UGGT2: variants seen among roughly 807,000 people sequenced by gnomAD.
The protein encoded by UGGT2 is UDP-glucose:glycoprotein glucosyltransferase 2.
A neutral mutation model predicts 192.1 loss-of-function variants in UGGT2; 180 were observed. That is an observed-to-expected ratio of 0.94 (90% CI 0.83 to 1.06). The LOEUF is 1.06. UGGT2 is among the 50% of genes least tolerant of loss of function. The pLI, the probability that UGGT2 is intolerant of heterozygous loss-of-function variation, is 0.00. For synonymous variants in UGGT2, 580 were observed against 591.0 expected (o/e 0.98, Z 0.27); for missense variants, 1,849 against 1,795.7 (o/e 1.03, Z -0.54).
intron 33 of UGGT2, 120 bp from the exon 34 acceptor site, chr13:95,856,460 A>C (rs1222990952): frequency 6.7e-6 from 6 of 899,344 alleles, no homozygotes; most frequent in Non-Finnish European, 1.0e-5. Context: ...AATAGGCAAG[A>C]TGTCTAAATA....
At chr13:95,935,429 TTA>T (rs2049431439) in intron 17 of UGGT2, among the ~76,000 whole-genome samples, 1 of 152,230 alleles carries the variant, frequency 6.6e-6, no homozygotes, top group African/African-American at 2.4e-5. Context: ...CTTATGAAGC[TTA>T]GTTTGACAGG....
At chr13:95,909,608 G>T (rs1398322299) in intron 20 of UGGT2, among the ~76,000 whole-genome samples, 2 of 107,846 alleles carry the variant, frequency 1.9e-5, no homozygotes, top group Admixed American at 1.1e-4. Flanking sequence ...GTTGTGGGGT[G>T]GGGGGAGGGG....
In UGGT2 at chr13:95,884,697, A is replaced by C. The variant is rs1222267862; in HGVS notation, c.3039-17T>G. The C allele has an allele frequency of 6.3e-7, 1 of 1,586,510 alleles. No individual in the cohort carries two copies. Among genetic ancestry groups the C allele is most frequent in the Non-Finnish European group, 8.5e-7 (1 of 1,169,926 alleles). On this transcript the variant is annotated splice_polypyrimidine_tract_variant and intron_variant, in intron 26 of 38. Transcript: ENST00000376747. Reference sequence around the variant, plus strand: ...CGGTAAAAGCTGTTAATAAAACATAAAAATACATAATGTGACCAAAACTGA... The same window carrying C: ...CGGTAAAAGCTGTTAATAAAACATACAAATACATAATGTGACCAAAACTGA...
chr13:95,929,684 T>C (rs1320876162), intron 17 of UGGT2, among the ~76,000 whole-genome samples: 1 of 152,216 alleles, frequency 6.6e-6, no homozygotes, highest in Non-Finnish European at 1.5e-5. Context: ...CTTTAACCAA[T>C]CCACCACTGA....
chr13:96,004,827 A>G (rs1283789850), intron 5 of UGGT2, among the ~76,000 whole-genome samples: 1 of 152,016 alleles, frequency 6.6e-6, no homozygotes, highest in Admixed American at 6.6e-5. Context: ...CCTAGTTATG[A>G]CCTCCTCTCT....
At chr13:95,965,332 G>A (rs2050537392) in intron 12 of UGGT2, among the ~76,000 whole-genome samples, 1 of 150,656 alleles carries the variant, frequency 6.6e-6, no homozygotes, top group Middle Eastern at 3.4e-3. Flanking sequence ...CAAAGACTTG[G>A]AACCAACCCA....
intron 37 of UGGT2, among the ~76,000 whole-genome samples, chr13:95,836,286 G>A (rs1431816976): frequency 1.3e-5 from 2 of 152,190 alleles, no homozygotes; most frequent in East Asian, 3.9e-4. Flanking sequence ...CTGACCTGAG[G>A]TGATCCACCT....
At chr13:95,987,396 T>C (rs1170222638) in intron 8 of UGGT2, among the ~76,000 whole-genome samples, 1 of 152,182 alleles carries the variant, frequency 6.6e-6, no homozygotes, top group Admixed American at 6.6e-5. Flanking sequence ...GGGAGTCAAC[T>C]AGAACTAAGC....
At chr13:95,837,307 C>T (rs1190038461) in intron 36 of UGGT2, 105 bp from the exon 37 acceptor site, 2 of 766,118 alleles carry the variant, frequency 2.6e-6, no homozygotes, top group Non-Finnish European at 2.3e-6. Context: ...GATCATAAAA[C>T]ATATGCAAAT....
At position 95,978,080 on chromosome 13, in the gene UGGT2, T is replaced by C. The variant is rs571420686; in HGVS notation, c.1093-5409A>G. On this transcript the variant is annotated intron_variant, in intron 10 of 38. Transcript: ENST00000376747. ...GACAAATACCTAAAGTATGCAGGGC[T>C]CAAAACCTAGATGATGGGTTGATAG... Among the ~76,000 whole-genome samples the C allele has an allele frequency of 1.8e-3, 267 of 152,094 alleles. 1 individual carries two copies. Among genetic ancestry groups the C allele is most frequent in the African/African-American group, 6.2e-3 (259 of 41,502 alleles).
chr13:95,969,070 A>G (rs984280570), intron 12 of UGGT2, among the ~76,000 whole-genome samples: 1 of 152,174 alleles, frequency 6.6e-6, no homozygotes, highest in Non-Finnish European at 1.5e-5. Context: ...CTGAGTTATA[A>G]TAAACATCTG....
chr13:95,984,108 T>C (rs2140872295), intron 9 of UGGT2, among the ~76,000 whole-genome samples: 1 of 152,320 alleles, frequency 6.6e-6, no homozygotes, highest in East Asian at 1.9e-4. Context: ...TTGTCATCAT[T>C]TACTATGACT....
At chr13:96,027,387 T>C (rs2052701292) in intron 2 of UGGT2, among the ~76,000 whole-genome samples, 2 of 152,208 alleles carry the variant, frequency 1.3e-5, no homozygotes, top group African/African-American at 2.4e-5. Flanking sequence ...AGATCATCTC[T>C]ATTATGAAAT....
chr13:95,817,100 C>T (rs1001435173), intron 38 of UGGT2, among the ~76,000 whole-genome samples: 1 of 151,960 alleles, frequency 6.6e-6, no homozygotes, highest in Non-Finnish European at 1.5e-5. Context: ...TGCATTCCAG[C>T]CTGGATAGCA....
chr13:95,894,065 C>T (rs190110720), intron 24 of UGGT2, among the ~76,000 whole-genome samples: 1 of 152,282 alleles, frequency 6.6e-6, no homozygotes, highest in Admixed American at 6.5e-5. Context: ...TGCTGATCTG[C>T]TGATTCACCT....
chr13:95,863,930 C>G (rs978276800), intron 30 of UGGT2, among the ~76,000 whole-genome samples: 2 of 152,090 alleles, frequency 1.3e-5, no homozygotes, highest in Admixed American at 6.6e-5. Flanking sequence ...GTGGTTACCT[C>G]CATATTGCTA....
chr13:96,000,636 G>A (rs904712997), intron 5 of UGGT2, among the ~76,000 whole-genome samples: 7 of 152,048 alleles, frequency 4.6e-5, no homozygotes, highest in East Asian at 1.9e-4. Context: ...TAAGTGAATC[G>A]AAACTATAAG....
At chr13:95,993,115 C>T (rs1383452001) in intron 7 of UGGT2, among the ~76,000 whole-genome samples, 1 of 152,074 alleles carries the variant, frequency 6.6e-6, no homozygotes, top group Non-Finnish European at 1.5e-5. Context: ...CAGCGGTAGG[C>T]CATTATCCTA....
At chr13:96,002,408 A>G (rs1270515603) in intron 5 of UGGT2, among the ~76,000 whole-genome samples, 3 of 152,232 alleles carry the variant, frequency 2.0e-5, no homozygotes, top group African/African-American at 4.8e-5. Context: ...ACCATCTAAC[A>G]TAAATCTGTT....
Sources: gnomAD v4.1 joint callset for allele counts (sites outside exome capture counted in the v4.1 genomes callset) on GRCh38, gnomAD v4.1.1 for gene constraint, MANE v1.5 for transcripts, NCBI Gene and HGNC (gene_info 2026-07-23, HGNC 2026-07-21) for gene names.